The following IGF2R variants were observed in gnomAD, a reference collection of about 807,000 sequenced individuals.
The protein encoded by IGF2R is insulin like growth factor 2 receptor.
A neutral mutation model predicts 270.6 loss-of-function variants in IGF2R; 91 were observed. The observed-to-expected ratio is 0.34, with a 90% CI of 0.28 to 0.40. The LOEUF (loss-of-function observed/expected upper bound fraction) is 0.40. IGF2R is among the 10% of genes least tolerant of loss of function. The pLI is 1.00. For missense variants in IGF2R, 2,805 were observed against 3,188.3 expected (o/e 0.88, Z 2.90); for synonymous variants, 1,316 against 1,258.9 (o/e 1.05, Z -0.96).
chr6:160,056,301 T>C (rs1381018753), intron 19 of IGF2R, 123 bp from the exon 20 acceptor site: 1 of 691,452 alleles, frequency 1.4e-6, no homozygotes, highest in Non-Finnish European at 2.7e-6. Flanking sequence ...CCTAGCTTAT[T>C]GGCTGACTCA....
intron 44 of IGF2R, 139 bp downstream of exon 44, chr6:160,090,242 T>C: frequency 1.8e-6 from 1 of 559,390 alleles, no homozygotes; most frequent in Non-Finnish European, 3.0e-6. Flanking sequence ...TACTTTGTTA[T>C]GAATTTCTTG....
chr6:160,078,335 G>C lies in IGF2R; in HGVS notation c.5451G>C (p.Leu1817Phe). 1 of 1,614,192 alleles carries C rather than the reference G, an allele frequency of 6.2e-7. No individual in the cohort carries two copies. The highest frequency in any genetic ancestry group is 1.3e-5 in the African/African-American group (1 of 75,064). ...AGCAGCTCCTCTACAGCTTCAACTT[G>C]TCCAGCCTTTCCACGAGCACCTTTA... ...TDEQLLYSFN[L>F]SSLSTSTFKV... The change falls in exon 37 of 48, where the codon TTG becomes TTC. Residue 1817 changes from leucine to phenylalanine, a missense_variant. By Grantham distance (22) the Leu-to-Phe change is conservative. Around this residue, in one of 2 missense-constraint regions of IGF2R, gnomAD observed 1,851 missense variants for 2,207.2 expected, o/e 0.84. Transcript: ENST00000356956.
rs373677502 is a variant in IGF2R at position 160,027,223 on chromosome 6, C to T, written c.685C>T (p.Pro229Ser). 4 of 1,613,748 alleles carry T rather than the reference C, an allele frequency of 2.5e-6. No homozygotes were observed. The highest frequency in any genetic ancestry group is 1.6e-4 in the Middle Eastern group (1 of 6,082). ...RDPGSQLRAC[P>S]PGTAACLVRG... ...CCCAGGTTCACAGCTGCGGGCCTGT[C>T]CCCCCGGCACTGCCGCCTGCCTGGT... Residue 229 changes from proline to serine, a missense_variant, in exon 6 of 48, where the codon CCC (proline) becomes TCC (serine). By Grantham distance (74) the Pro-to-Ser change is moderately conservative. Around this residue, in one of 2 missense-constraint regions of IGF2R, gnomAD observed 954 missense variants for 981.1 expected, o/e 0.97. Coordinates refer to ENST00000356956, the MANE Select transcript of IGF2R (RefSeq NM_000876.4).
At chr6:159,995,517 A>G (rs1438923893) in intron 2 of IGF2R, among the ~76,000 whole-genome samples, 1 of 152,090 alleles carries the variant, frequency 6.6e-6, no homozygotes, top group Non-Finnish European at 1.5e-5. Flanking sequence ...TTGTATAATT[A>G]TTTTATAAGA....
At chr6:160,081,177 G>A (rs1003824728) in intron 39 of IGF2R, among the ~76,000 whole-genome samples, 24 of 151,894 alleles carry the variant, frequency 1.6e-4, no homozygotes, top group African/African-American at 5.6e-4. Context: ...CAGTATCGGG[G>A]GAACCAGCCC....
At chr6:160,071,032 G>A (rs917486904) in intron 31 of IGF2R, among the ~76,000 whole-genome samples, 1 of 152,126 alleles carries the variant, frequency 6.6e-6, no homozygotes, top group Non-Finnish European at 1.5e-5. Context: ...GGGCCCCTGT[G>A]CCCAGGGCCC....
At chr6:160,018,391 A>G (rs1387720201) in intron 4 of IGF2R, among the ~76,000 whole-genome samples, 1 of 152,182 alleles carries the variant, frequency 6.6e-6, no homozygotes, top group Non-Finnish European at 1.5e-5. Context: ...AGAAATGGAC[A>G]GCAATGCAAT....
intron 47 of IGF2R, among the ~76,000 whole-genome samples, chr6:160,104,372 G>C (rs1379569964): frequency 6.6e-6 from 1 of 151,772 alleles, no homozygotes; most frequent in Non-Finnish European, 1.5e-5. Flanking sequence ...TCTGCTTTTC[G>C]GTCCAGGCCA....
intron 47 of IGF2R, among the ~76,000 whole-genome samples, chr6:160,104,195 A>C (rs1410616588): frequency 1.3e-5 from 2 of 152,180 alleles, no homozygotes; most frequent in Non-Finnish European, 2.9e-5. Flanking sequence ...ATCAAAGGAC[A>C]TAATGTTTGT....
chr6:160,022,239 G>C (rs1052521683), intron 4 of IGF2R, among the ~76,000 whole-genome samples: 1 of 152,198 alleles, frequency 6.6e-6, no homozygotes, highest in Admixed American at 6.5e-5. Context: ...GCTTCAGAAA[G>C]GTGAGAGGGT....
At chr6:160,061,984 T>G in intron 25 of IGF2R, 56 bp downstream of exon 25, 1 of 1,515,010 alleles carries the variant, frequency 6.6e-7, no homozygotes, top group Non-Finnish European at 9.1e-7. Flanking sequence ...ATTTCCCATT[T>G]CCCTTGAACC....
In IGF2R at chr6:160,070,063, G is replaced by A. The variant is rs1583291000; in HGVS notation, c.4443+5G>A. ...ACCTGCAGCGAGAGCCAAGTGGTAA[G>A]GGACTGTTCCTGCACCTTCTGCTGT... On this transcript the variant is annotated splice_donor_5th_base_variant and intron_variant, in intron 31 of 47. Coordinates refer to ENST00000356956, the MANE Select transcript of IGF2R (RefSeq NM_000876.4). The A allele has an allele frequency of 1.9e-6, 3 of 1,613,918 alleles. No homozygotes were observed. Among genetic ancestry groups the A allele is most frequent in the Admixed American group, 1.7e-5 (1 of 60,006 alleles).
chr6:160,074,873 A>T (rs2115277251), intron 35 of IGF2R, among the ~76,000 whole-genome samples: 1 of 152,340 alleles, frequency 6.6e-6, no homozygotes, highest in South Asian at 2.1e-4. Context: ...GGAGGCCTGG[A>T]CAAGCTGAGT....
intron 30 of IGF2R, among the ~76,000 whole-genome samples, chr6:160,069,288 G>A (rs1778662631): frequency 6.6e-6 from 1 of 152,142 alleles, no homozygotes; most frequent in Non-Finnish European, 1.5e-5. Flanking sequence ...CCTGCATCTT[G>A]GGTGGCTCAC....
At chr6:160,070,736 C>G (rs1302383268) in intron 31 of IGF2R, among the ~76,000 whole-genome samples, 1 of 152,198 alleles carries the variant, frequency 6.6e-6, no homozygotes, top group African/African-American at 2.4e-5. Context: ...TGGGCATTAA[C>G]TCGGGCAAGA....
chr6:160,050,727 C>A lies in IGF2R; in HGVS notation c.2694+75C>A. The stretch of plus-strand genomic sequence containing the variant: ...GAGCGTTGCCTTATGTGTCTCTTAA[C>A]AGCAGCAGTCTTGGGGTGGGTGGCG... On this transcript the variant is annotated intron_variant, in intron 19 of 47. Transcript: ENST00000356956. The surrounding 1 kb of genome is among the most constrained non-coding windows in gnomAD (Gnocchi z 4.0). The A allele has an allele frequency of 7.4e-7, 1 of 1,353,468 alleles. No individual in the cohort carries two copies. The highest frequency in any genetic ancestry group is 1.0e-6 in the Non-Finnish European group (1 of 991,556). 83.8% of individuals were successfully genotyped at this position (1,353,468 alleles called of 1,614,324 possible).
At chr6:160,088,639 T>C (rs1779147246) in intron 42 of IGF2R, among the ~76,000 whole-genome samples, 1 of 152,140 alleles carries the variant, frequency 6.6e-6, no homozygotes, top group African/African-American at 2.4e-5. Context: ...AACTGATTCC[T>C]TCCAGACGCT....
At chr6:160,047,019 G>A (rs1358706626) in intron 15 of IGF2R, 140 bp from the exon 16 acceptor site, 1 of 732,654 alleles carries the variant, frequency 1.4e-6, no homozygotes, top group East Asian at 2.6e-5. Context: ...TGGAGACCTT[G>A]TGTGGGTTCC....
chr6:160,002,408 G>C (rs9346806), intron 2 of IGF2R, among the ~76,000 whole-genome samples: 55,029 of 151,822 alleles, frequency 0.36, 10,840 homozygotes, highest in East Asian at 0.69. Flanking sequence ...AAAAACAAAT[G>C]ATAAGGAAGA....
Sources: gnomAD v4.1 joint callset for allele counts (sites outside exome capture counted in the v4.1 genomes callset) on GRCh38, gnomAD v4.1.1 for gene constraint, gnomAD v4.1.1 regional missense constraint, Gnocchi (gnomAD v3.1) non-coding constraint, MANE v1.5 for transcripts, NCBI Gene and HGNC (gene_info 2026-07-23, HGNC 2026-07-21) for gene names.